Variants in SAAL1 observed in about 807,000 individuals in gnomAD.
SAAL1 encodes protein SAAL1.
A neutral mutation model predicts 59.8 loss-of-function variants in SAAL1; 42 were observed. That is an observed-to-expected ratio of 0.70 (90% confidence interval 0.55 to 0.91). The LOEUF (loss-of-function observed/expected upper bound fraction) is 0.91. Among genes scored for constraint, SAAL1 ranks in the 40% least tolerant of loss-of-function variants. The pLI, the probability that SAAL1 is intolerant of heterozygous loss-of-function variation, is 0.00. For missense variants in SAAL1, 542 were observed against 561.1 expected, an observed-to-expected ratio of 0.97 and a Z score of 0.34; for synonymous variants, 191 against 194.3, an observed-to-expected ratio of 0.98 and a Z score of 0.14.
chr11:18,088,744 G>A (rs1328460272), intron 7 of SAAL1, among the ~76,000 whole-genome samples: 1 of 152,142 alleles, frequency 6.6e-6, no homozygotes, highest in Non-Finnish European at 1.5e-5. Context: ...AGCAGGTTTA[G>A]GGAAAGATGA....
At chr11:18,094,723 G>A (rs919616876) in intron 3 of SAAL1, among the ~76,000 whole-genome samples, 1 of 152,108 alleles carries the variant, frequency 6.6e-6, no homozygotes, top group Non-Finnish European at 1.5e-5. Flanking sequence ...GGTCAGAGAC[G>A]ACAGTGAGGT....
intron 1 of SAAL1, among the ~76,000 whole-genome samples, chr11:18,104,783 G>T (rs1848670697): frequency 6.6e-6 from 1 of 152,114 alleles, no homozygotes; most frequent in African/African-American, 2.4e-5. Context: ...GAGAAGATGA[G>T]GCTGGAAAAT....
In SAAL1 at chr11:18,083,678, A is replaced by G. The variant is rs1465025537; in HGVS notation, c.1096T>C (p.Cys366Arg). The G allele has an allele frequency of 1.2e-6, 2 of 1,612,114 alleles. No individual in the cohort carries two copies. The highest frequency in any genetic ancestry group is 2.2e-5 in the South Asian group (2 of 90,672). Residue 366 changes from cysteine (C) to arginine (R), a missense_variant, in exon 10 of 12, where the codon TGT (cysteine) becomes CGT (arginine). Physicochemically the swap from Cys to Arg is radical, Grantham distance 180 (BLOSUM62 -3). Transcript: ENST00000524803. ...GCCGAGTTCTCTGGTTTTTTCTGAC[A>G]CTGTTCCATATTTTGTAAGACCCGA... ...LIRVLQNMEQ[C>R]QKKPENSAES...
chr11:18,095,314 G>A (rs753715197), intron 3 of SAAL1, among the ~76,000 whole-genome samples: 1 of 152,022 alleles, frequency 6.6e-6, no homozygotes, highest in Non-Finnish European at 1.5e-5. Context: ...ATATATTTAA[G>A]ACAGAAAAAC....
At chr11:18,086,741 GATA>G (rs1360189773) in intron 9 of SAAL1, 122 bp downstream of exon 9, 1 of 481,874 alleles carries the variant, frequency 2.1e-6, no homozygotes, top group Admixed American at 4.3e-5. Flanking sequence ...AAATAAATAT[GATA>G]ATAAAATAAA....
At chr11:18,097,919 C>A (rs972256271) in intron 2 of SAAL1, among the ~76,000 whole-genome samples, 2 of 151,570 alleles carry the variant, frequency 1.3e-5, no homozygotes, top group Non-Finnish European at 2.9e-5. Context: ...CCAGGACAGG[C>A]GGATCACTTG....
chr11:18,101,712 A>G (rs1848635842), intron 2 of SAAL1, among the ~76,000 whole-genome samples: 1 of 152,200 alleles, frequency 6.6e-6, no homozygotes, highest in Non-Finnish European at 1.5e-5. Flanking sequence ...CTTGTATACA[A>G]AAGTTCACAA....
intron 10 of SAAL1, 60 bp downstream of exon 10, chr11:18,083,475 G>T: frequency 3.2e-6 from 3 of 923,266 alleles, no homozygotes; most frequent in Non-Finnish European, 3.2e-6. Context: ...AATAAAGTTT[G>T]AAGCGTTAAG....
intron 9 of SAAL1, among the ~76,000 whole-genome samples, chr11:18,085,089 A>G (rs1002613919): frequency 1.3e-5 from 2 of 152,316 alleles, no homozygotes; most frequent in East Asian, 1.9e-4. Context: ...CTTATACCCA[A>G]TAATGCTTAA....
In SAAL1 at chr11:18,103,267, T is replaced by C; in HGVS notation, c.215A>G (p.Glu72Gly). The change falls in exon 2 of 12, where the codon GAA becomes GGA. Residue 72 changes from glutamate (E) to glycine (G), a missense_variant. Physicochemically the swap from Glu to Gly is moderately conservative, Grantham distance 98. Transcript: ENST00000524803. The stretch of plus-strand genomic sequence containing the variant: ...TGACATATCCCATACTCTGCAAATT[T>C]CATTCTCCATTTCTTCATCAAGCTC... ...LTELDEEMEN[E>G]ICRVWDMSMD... 2 of 1,614,018 alleles carry C rather than the reference T, an allele frequency of 1.2e-6. No homozygotes were observed. The highest frequency in any genetic ancestry group is 1.7e-6 in the Non-Finnish European group (2 of 1,179,920).
At position 18,104,254 on chromosome 11, in the gene SAAL1, T is replaced by C. The variant is rs565844066; in HGVS notation, c.136-908A>G. Among the ~76,000 whole-genome samples the C allele has an allele frequency of 2.0e-5, 3 of 152,310 alleles. No individual in the cohort carries two copies. The East Asian group carries it at 5.8e-4, about 29-fold the overall frequency. ...GTTAAGTGAGCACTTACTTTAATAT[T>C]AACCCATAATCGTTTAGAAGTCACA... On this transcript the variant is annotated intron_variant, in intron 1 of 11. Transcript: ENST00000524803.
rs1848396808 is a variant in SAAL1 at position 18,080,333 on chromosome 11, C to A, written c.*66G>T. 1.0e-5 allele frequency: 10 copies of A among 1,002,312 alleles called. No homozygotes were observed. The South Asian group carries it at 1.4e-4, about 15-fold the overall frequency. The allele number at this position is 1,002,312 out of a possible 1,614,324, so 62.1% of individuals were successfully genotyped here. On this transcript the variant is annotated 3_prime_UTR_variant, in exon 12 of 12. Coordinates refer to ENST00000524803, the MANE Select transcript of SAAL1 (RefSeq NM_138421.3). Reference sequence around the variant, plus strand: ...GCTTTAGTTAATATTTCCAATAAGTCAATTTCAACTGTCAGTGAGAAAAAT... The same window carrying A: ...GCTTTAGTTAATATTTCCAATAAGTAAATTTCAACTGTCAGTGAGAAAAAT...
At chr11:18,084,598 C>G (rs1220033687) in intron 9 of SAAL1, among the ~76,000 whole-genome samples, 1 of 152,184 alleles carries the variant, frequency 6.6e-6, no homozygotes, top group African/African-American at 2.4e-5. Flanking sequence ...CCCAAGTATG[C>G]ACATGACTCC....
chr11:18,097,599 G>T (rs1848590865), intron 2 of SAAL1, among the ~76,000 whole-genome samples: 1 of 152,280 alleles, frequency 6.6e-6, no homozygotes, highest in East Asian at 1.9e-4. Context: ...TAACACTTTG[G>T]GAGGCTGGTT....
chr11:18,092,372 G>A (rs200721073), intron 3 of SAAL1, 48 bp from the exon 4 acceptor site: 83 of 1,203,284 alleles, frequency 6.9e-5, no homozygotes, highest in Non-Finnish European at 9.2e-5. Flanking sequence ...GACGAAAGAC[G>A]TAAACAAAAA....
rs1366447247 is a variant in SAAL1, at chr11:18,090,223, G to T, written c.541C>A (p.Pro181Thr). ...SVWVERIQEHPAIYDSICFIM... is the reference protein window; with the variant it reads ...SVWVERIQEHTAIYDSICFIM... ...AAGCAAATGCTATCATAAATAGCTGGATGTTCCTGGATCCTTTCAACCCAA... is the reference window on the plus strand; with the variant it reads ...AAGCAAATGCTATCATAAATAGCTGTATGTTCCTGGATCCTTTCAACCCAA... The change falls in exon 6 of 12, where the codon CCA becomes ACA. Residue 181 changes from proline to threonine, a missense_variant. Pro to Thr is a conservative substitution (Grantham distance 38, BLOSUM62 -1). Transcript: ENST00000524803. The T allele has an allele frequency of 6.2e-7, 1 of 1,607,878 alleles. No homozygotes were observed. The highest frequency in any genetic ancestry group is 8.5e-7 in the Non-Finnish European group (1 of 1,178,334).
chr11:18,101,485 GCCA>G (rs761384695), intron 2 of SAAL1, among the ~76,000 whole-genome samples: 3 of 152,092 alleles, frequency 2.0e-5, no homozygotes, highest in Non-Finnish European at 4.4e-5. Context: ...TCTCCTTCCT[GCCA>G]CCGTGTGAAT....
At chr11:18,104,925 T>TGGAGAGGATAGACAATAGGA (rs1203299027) in intron 1 of SAAL1, among the ~76,000 whole-genome samples, 1 of 152,058 alleles carries the variant, frequency 6.6e-6, no homozygotes, top group African/African-American at 2.4e-5. Context: ...GAAAATTGAC[T>TGGAGAGGATAGACAATAGGA]GGAGAGGATA....
At chr11:18,096,479 AG>A (rs1161504767) in intron 3 of SAAL1, among the ~76,000 whole-genome samples, 1 of 152,036 alleles carries the variant, frequency 6.6e-6, no homozygotes, top group Non-Finnish European at 1.5e-5. Context: ...GTTACTTGGG[AG>A]GCTGAGGTGG....
Sources: allele counts gnomAD v4.1 joint callset (sites outside exome capture counted in the v4.1 genomes callset), GRCh38; gene constraint gnomAD v4.1.1; transcripts MANE v1.5; gene names NCBI Gene and HGNC (gene_info 2026-07-23, HGNC 2026-07-21).